SPAG16: variants seen among roughly 807,000 people sequenced by gnomAD.
The protein encoded by SPAG16 is sperm-associated antigen 16 protein.
In SPAG16, 86 loss-of-function variants were observed where a neutral mutation model predicts 80.4. The ratio of observed to expected loss-of-function variants is 1.07; its 90% CI spans 0.90 to 1.28. SPAG16 has a LOEUF of 1.28. SPAG16 is among the 50% of genes most tolerant of loss of function. The probability of loss-of-function intolerance (pLI) is 0.00; values close to 1 mark genes in which losing one functional copy is unlikely to be tolerated. For synonymous variants in SPAG16, 294 were observed against 265.9 expected (o/e 1.11, Z -1.03); for missense variants, 870 against 765.3 (o/e 1.14, Z -1.61).
intron 10 of SPAG16, among the ~76,000 whole-genome samples, chr2:213,673,904 C>T (rs1197579863): frequency 1.3e-5 from 2 of 152,048 alleles, no homozygotes; most frequent in African/African-American, 4.8e-5. Context: ...TGAAAAAAGT[C>T]TCATGTTACA....
At chr2:213,396,633 C>T (rs1417377015) in intron 9 of SPAG16, 2 of 456,480 alleles carry the variant, frequency 4.4e-6, no homozygotes, top group South Asian at 3.1e-5. Context: ...GACCGTACCT[C>T]TGCAGGACAC....
At chr2:213,620,044 G>GT (rs1285811975) in intron 10 of SPAG16, among the ~76,000 whole-genome samples, 8 of 151,964 alleles carry the variant, frequency 5.3e-5, no homozygotes, top group Admixed American at 3.9e-4. Context: ...ATTATGCTAA[G>GT]TAAAGTAAGG....
At chr2:213,462,122 G>C (rs965865303) in intron 9 of SPAG16, among the ~76,000 whole-genome samples, 1 of 152,200 alleles carries the variant, frequency 6.6e-6, no homozygotes. Flanking sequence ...GCAAGGCATT[G>C]TGTAGTACAA....
Position 214,013,797 on chromosome 2 carries a change from T to C in SPAG16, c.1401-154T>C, listed in dbSNP as rs118083145. On this transcript the variant is annotated intron_variant, in intron 12 of 15. Transcript: ENST00000331683. The stretch of plus-strand genomic sequence containing the variant: ...CGTATAAAGTGCTGAGAATATAAGG[T>C]AGCTATAGAATTTTACTTTTAAAAT... 1.4e-3 allele frequency among the ~76,000 whole-genome samples: 209 copies of C among 152,322 alleles called. 6 individuals are homozygous for C. In the East Asian group the frequency reaches 0.03, roughly 22 times the overall value.
intron 15 of SPAG16, among the ~76,000 whole-genome samples, chr2:214,157,183 T>A (rs972679955): frequency 6.6e-6 from 1 of 152,200 alleles, no homozygotes; most frequent in Non-Finnish European, 1.5e-5. Context: ...TGAGGTATGC[T>A]ATGCTCCAGG....
At chr2:213,829,020 G>A (rs2073464422) in intron 10 of SPAG16, among the ~76,000 whole-genome samples, 1 of 152,106 alleles carries the variant, frequency 6.6e-6, no homozygotes, top group African/African-American at 2.4e-5. Context: ...AAGGCCCACT[G>A]TAACCACTAC....
At chr2:213,862,696 C>A in intron 11 of SPAG16, 68 bp downstream of exon 11, 2 of 1,536,150 alleles carry the variant, frequency 1.3e-6, no homozygotes, top group South Asian at 1.1e-5. Context: ...TCTGTCTGCT[C>A]ACTCTGCTGT....
At chr2:213,284,715 T>C (rs778563623) in intron 1 of SPAG16, 96 bp downstream of exon 1, 9 of 1,460,942 alleles carry the variant, frequency 6.2e-6, no homozygotes, top group Middle Eastern at 1.8e-4. Flanking sequence ...TTTTGAGCCT[T>C]GGGGCCACTC....
chr2:213,536,965 A>G (rs987490188), intron 10 of SPAG16, among the ~76,000 whole-genome samples: 1 of 152,088 alleles, frequency 6.6e-6, no homozygotes, highest in African/African-American at 2.4e-5. Flanking sequence ...CATATACACC[A>G]TGGAATACTA....
intron 4 of SPAG16, among the ~76,000 whole-genome samples, chr2:213,312,618 G>A (rs2063242049): frequency 6.6e-6 from 1 of 151,132 alleles, no homozygotes; most frequent in African/African-American, 2.4e-5. Context: ...TCAACACTTA[G>A]TTCTCTCCAG....
intron 10 of SPAG16, among the ~76,000 whole-genome samples, chr2:213,620,857 G>A (rs1324190564): frequency 6.6e-6 from 1 of 152,094 alleles, no homozygotes; most frequent in Non-Finnish European, 1.5e-5. Context: ...ATTAGAGTCT[G>A]CAGATAAATT....
chr2:213,408,711 G>C (rs1280012284), intron 9 of SPAG16, among the ~76,000 whole-genome samples: 1 of 152,142 alleles, frequency 6.6e-6, no homozygotes, highest in Admixed American at 6.5e-5. Context: ...AATTGATAGG[G>C]AAACTCTTGT....
intron 10 of SPAG16, among the ~76,000 whole-genome samples, chr2:213,626,237 G>A (rs1041044376): frequency 1.3e-5 from 2 of 152,046 alleles, no homozygotes; most frequent in Non-Finnish European, 2.9e-5. Context: ...AATCATATTA[G>A]CAGTCCAGCA....
At chr2:213,757,871 G>A (rs368240650) in intron 10 of SPAG16, among the ~76,000 whole-genome samples, 8 of 152,034 alleles carry the variant, frequency 5.3e-5, no homozygotes, top group African/African-American at 1.9e-4. Flanking sequence ...AAAGAGGTGA[G>A]TGGTTATTGT....
chr2:213,832,085 C>T (rs912940287), intron 10 of SPAG16, among the ~76,000 whole-genome samples: 2 of 151,940 alleles, frequency 1.3e-5, no homozygotes, highest in Non-Finnish European at 2.9e-5. Flanking sequence ...CAACCTCCTT[C>T]CCCCCGGGTT....
intron 14 of SPAG16, among the ~76,000 whole-genome samples, chr2:214,148,139 T>C (rs141818607): frequency 6.6e-6 from 1 of 152,318 alleles, no homozygotes; most frequent in East Asian, 1.9e-4. Context: ...ATGTGGCCAA[T>C]ACTCATTCAA....
At chr2:213,459,506 G>A (rs780240896) in intron 9 of SPAG16, among the ~76,000 whole-genome samples, 1 of 152,196 alleles carries the variant, frequency 6.6e-6, no homozygotes, top group Non-Finnish European at 1.5e-5. Flanking sequence ...TGTAGGTCAA[G>A]TCTATTTCTA....
intron 15 of SPAG16, among the ~76,000 whole-genome samples, chr2:214,194,665 A>G (rs544887306): frequency 1.3e-4 from 20 of 152,212 alleles, no homozygotes; most frequent in Non-Finnish European, 2.9e-4. Flanking sequence ...GATGTTTCTG[A>G]CACTTTCAAA....
chr2:213,461,722 T>C (rs999520046), intron 9 of SPAG16, among the ~76,000 whole-genome samples: 8 of 152,094 alleles, frequency 5.3e-5, no homozygotes, highest in African/African-American at 1.9e-4. Context: ...AAAAAATGTT[T>C]AGTGTTAGGC....
Sources: gnomAD v4.1 joint callset for allele counts (sites outside exome capture counted in the v4.1 genomes callset) on GRCh38, gnomAD v4.1.1 for gene constraint, MANE v1.5 for transcripts, NCBI Gene and HGNC (gene_info 2026-07-23, HGNC 2026-07-21) for gene names.